PACRGL: variants seen among roughly 807,000 people sequenced by gnomAD.
PACRGL encodes the protein PACRG-like protein.
In PACRGL, 38 loss-of-function variants were observed where a neutral mutation model predicts 34.5. That is an observed-to-expected ratio of 1.10 (90% CI 0.85 to 1.44). PACRGL has a LOEUF of 1.44. Among genes scored for constraint, PACRGL ranks in the 40% most tolerant of loss-of-function variants. The pLI, the probability that PACRGL is intolerant of heterozygous loss-of-function variation, is 0.00. For synonymous variants in PACRGL, 128 were observed against 100.1 expected (o/e 1.28, Z -1.66); for missense variants, 305 against 281.4 (o/e 1.08, Z -0.60).
downstream of PACRGL, chr4:20,732,635 T>C (rs755003603): frequency 7.8e-7 from 1 of 1,276,698 alleles, no homozygotes; most frequent in African/African-American, 1.5e-5. Flanking sequence ...CATCAGGAAA[T>C]TTTCTCCTAA....
chr4:20,711,812 C>G (rs1737373179), intron 5 of PACRGL, among the ~76,000 whole-genome samples: 1 of 152,178 alleles, frequency 6.6e-6, no homozygotes, highest in East Asian at 1.9e-4. Context: ...GAGATATGAT[C>G]TACAGTTTTT....
the PACRGL span, among the ~76,000 whole-genome samples, chr4:20,761,757 T>C: frequency 1.3e-5 from 2 of 152,240 alleles, no homozygotes; most frequent in African/African-American, 4.8e-5. Flanking sequence ...CTATCTGATA[T>C]GCATGTGTTT....
downstream of PACRGL, among the ~76,000 whole-genome samples, chr4:20,736,073 T>C (rs1205556894): frequency 6.6e-6 from 1 of 152,236 alleles, no homozygotes; most frequent in Admixed American, 6.5e-5. Context: ...ATTTAAAAAT[T>C]GTGTAAGCTG....
intron 8 of PACRGL, among the ~76,000 whole-genome samples, chr4:20,750,509 T>G (rs1388639431): frequency 6.6e-6 from 1 of 152,174 alleles, no homozygotes; most frequent in Non-Finnish European, 1.5e-5. Context: ...GACAGGTATG[T>G]CTTCTGAAGT....
chr4:20,700,695 A>T lies in PACRGL; in HGVS notation c.-109A>T, dbSNP rs1033871280. ...GGGCCGCTGGACCCCGTTGCTAAGG[A>T]CCCTTGAGATCGTGAGCGCTTGGAG... On this transcript the variant is annotated 5_prime_UTR_variant, in exon 1 of 9. Coordinates refer to ENST00000503585, the MANE Select transcript of PACRGL (RefSeq NM_001258345.3). 6.6e-5 allele frequency: 10 copies of T among 151,712 alleles called. No individual in the cohort carries two copies. The highest frequency in any genetic ancestry group is 2.1e-4 in the South Asian group (1 of 4,786). The allele number at this position is 151,712 out of a possible 1,614,324, so 9.4% of individuals were successfully genotyped here.
chr4:20,714,809 C>T (rs1001840920), intron 7 of PACRGL, among the ~76,000 whole-genome samples: 9 of 152,254 alleles, frequency 5.9e-5, no homozygotes, highest in Admixed American at 3.3e-4. Context: ...AATAGGAACA[C>T]TTTTACACTG....
chr4:20,743,513 A>G (rs1751676817), intron 8 of PACRGL, among the ~76,000 whole-genome samples: 1 of 152,352 alleles, frequency 6.6e-6, no homozygotes, highest in Admixed American at 6.5e-5. Flanking sequence ...GAAACAAGCA[A>G]TGGGGAAAGG....
At chr4:20,732,890 T>C (rs890994216), downstream of PACRGL, 1 of 678,798 alleles carries the variant, frequency 1.5e-6, no homozygotes, top group Non-Finnish European at 2.5e-6. Flanking sequence ...TTTTGACTTT[T>C]TGTTTGTTGG....
At chr4:20,737,846 A>G (rs900485884) in intron 8 of PACRGL, among the ~76,000 whole-genome samples, 10 of 152,248 alleles carry the variant, frequency 6.6e-5, no homozygotes, top group African/African-American at 2.4e-4. Context: ...TTGCACAACC[A>G]GCAGGCTGGG....
Position 20,732,546 on chromosome 4 carries a change from T to C in PACRGL, c.*5205T>C, listed in dbSNP as rs560416817. 126 of 667,962 alleles carry C rather than the reference T, an allele frequency of 1.9e-4. 1 individual carries two copies. Among genetic ancestry groups the C allele is most frequent in the Non-Finnish European group, 3.1e-4 (116 of 376,402 alleles). 41.4% of individuals were successfully genotyped at this position (667,962 alleles called of 1,614,324 possible). On this transcript the variant is annotated 3_prime_UTR_variant, in exon 9 of 9. Coordinates refer to ENST00000503585, the MANE Select transcript of PACRGL (RefSeq NM_001258345.3). ...TTCAAAACCAAAGCTATTAAATTAA[T>C]AGGATGCTAAATACTGTTTTGTTTC...
chr4:20,752,850 T>C (rs1008567995), exon 9 of PACRGL: 3 of 152,224 alleles, frequency 2.0e-5, no homozygotes, highest in African/African-American at 7.2e-5. Flanking sequence ...TGGTTCTGGT[T>C]TTACTCAACT....
chr4:20,712,695 T>A, intron 5 of PACRGL, 93 bp from the exon 6 acceptor site: 1 of 1,115,804 alleles, frequency 9.0e-7, no homozygotes, highest in Non-Finnish European at 1.2e-6. Context: ...AATGAAATTT[T>A]TGATTTTTGT....
intron 7 of PACRGL, among the ~76,000 whole-genome samples, chr4:20,714,974 C>T (rs1214075554): frequency 2.0e-4 from 30 of 152,074 alleles, no homozygotes; most frequent in African/African-American, 3.6e-4. Flanking sequence ...CACATGCACA[C>T]GTATGTTTAT....
intron 3 of PACRGL, 139 bp downstream of exon 3, chr4:20,704,953 T>G: frequency 1.0e-6 from 1 of 971,010 alleles, no homozygotes; most frequent in South Asian, 1.6e-5. Flanking sequence ...GTGGTTATTA[T>G]GATGAAGAAC....
In PACRGL at chr4:20,724,026, G is replaced by A. The variant is rs553115159; in HGVS notation, c.610-782G>A. On this transcript the variant is annotated intron_variant, in intron 7 of 8. Transcript: ENST00000503585. ...CTTCTACATTAGAAGTTTATTGGAA[G>A]AAAGGGTATTATTCTTCTAGAAAAA... Among the ~76,000 whole-genome samples the A allele has an allele frequency of 1.5e-4, 23 of 152,258 alleles. 1 individual carries two copies. In the East Asian group the frequency reaches 3.7e-3, roughly 24 times the overall value.
chr4:20,748,597 TA>T lies in PACRGL; in HGVS notation c.*57-3967del, dbSNP rs1560431234. 2.7e-3 allele frequency among the ~76,000 whole-genome samples: 285 copies of T among 104,480 alleles called. 4 individuals are homozygous for T. In the South Asian group the frequency reaches 0.033, roughly 12 times the overall value. The allele number at this position is 104,480 out of a possible 152,430, so 68.5% of individuals were successfully genotyped here. On this transcript the variant is annotated intron_variant, in intron 8 of 8. Transcript: ENST00000507634. Reference sequence around the variant, plus strand: ...ATATATATATATATATATATATATATATATATATTCCATAAGTAAATATAAA... The same window carrying T: ...ATATATATATATATATATATATATATTATATATTCCATAAGTAAATATAAA...
chr4:20,711,466 C>CT (rs1191967507), intron 5 of PACRGL, among the ~76,000 whole-genome samples: 3 of 152,178 alleles, frequency 2.0e-5, no homozygotes, highest in Non-Finnish European at 4.4e-5. Flanking sequence ...ATACAGGACA[C>CT]TGCTATTTGA....
intron 8 of PACRGL, among the ~76,000 whole-genome samples, chr4:20,748,558 TTTTATATATATA>T (rs1244569726): frequency 0.011 from 1,328 of 118,522 alleles, 30 homozygotes; most frequent in African/African-American, 0.024. Flanking sequence ...ACCTTCCAAA[TTTTATATATATA>T]TATATATATA....
intron 8 of PACRGL, chr4:20,749,623 C>T (rs748198574): frequency 7.0e-7 from 1 of 1,427,164 alleles, no homozygotes; most frequent in East Asian, 2.3e-5. Flanking sequence ...AGACTAAACT[C>T]TAAATAGTCA....
Sources: gnomAD v4.1 joint callset for allele counts (sites outside exome capture counted in the v4.1 genomes callset) on GRCh38, gnomAD v4.1.1 for gene constraint, MANE v1.5 for transcripts, NCBI Gene and HGNC (gene_info 2026-07-23, HGNC 2026-07-21) for gene names.